SYT17: variants seen among roughly 807,000 people sequenced by gnomAD.
SYT17 encodes the protein synaptotagmin-17.
A neutral mutation model predicts 46.7 loss-of-function variants in SYT17; 22 were observed. The ratio of observed to expected loss-of-function variants is 0.47; its 90% CI spans 0.34 to 0.67. The LOEUF (loss-of-function observed/expected upper bound fraction) is 0.67, where lower values mean the gene tolerates loss of function less well. Among genes scored for constraint, SYT17 ranks in the 30% least tolerant of loss-of-function variants. The pLI is 0.01. For synonymous variants in SYT17, 251 were observed against 248.4 expected (o/e 1.01, Z -0.10); for missense variants, 519 against 612.8 (o/e 0.85, Z 1.62).
chr16:19,263,131 G>C (rs142387630), intron 7 of SYT17, among the ~76,000 whole-genome samples: 2 of 150,902 alleles, frequency 1.3e-5, no homozygotes, highest in Non-Finnish European at 2.9e-5. Context: ...ATACGATTCA[G>C]TGCTTTTTAG....
At chr16:19,263,970 A>T (rs1053722763) in intron 7 of SYT17, among the ~76,000 whole-genome samples, 2 of 152,214 alleles carry the variant, frequency 1.3e-5, no homozygotes, top group Non-Finnish European at 2.9e-5. Flanking sequence ...TGATGGCATT[A>T]GGAGGCGGGA....
At chr16:19,244,682 A>G (rs1967402140) in intron 7 of SYT17, among the ~76,000 whole-genome samples, 1 of 152,066 alleles carries the variant, frequency 6.6e-6, no homozygotes, top group African/African-American at 2.4e-5. Context: ...GGATCCTGTC[A>G]TGAGTGACCT....
chr16:19,238,737 G>A (rs545657083), intron 7 of SYT17, among the ~76,000 whole-genome samples: 8 of 152,256 alleles, frequency 5.3e-5, no homozygotes, highest in Non-Finnish European at 1.0e-4. Flanking sequence ...TGTGCCTGCA[G>A]GGCCTAAGCT....
At chr16:19,244,810 C>T (rs916974389) in intron 7 of SYT17, among the ~76,000 whole-genome samples, 1 of 152,224 alleles carries the variant, frequency 6.6e-6, no homozygotes, top group Non-Finnish European at 1.5e-5. Flanking sequence ...CTGAGGACTG[C>T]ATGGGAACTG....
At chr16:19,170,362 T>C (rs1481721174) in intron 1 of SYT17, 1 of 152,188 alleles carries the variant, frequency 6.6e-6, no homozygotes, top group Non-Finnish European at 1.5e-5. Flanking sequence ...TCAAGGGCTG[T>C]AGCAAAACAG....
intron 7 of SYT17, among the ~76,000 whole-genome samples, chr16:19,243,014 A>G (rs535461688): frequency 1.3e-5 from 2 of 152,248 alleles, no homozygotes; most frequent in African/African-American, 4.8e-5. Flanking sequence ...CCTATTTGTG[A>G]GTCGACATGA....
chr16:19,227,497 T>G (rs1320589342), intron 7 of SYT17, among the ~76,000 whole-genome samples: 2 of 152,000 alleles, frequency 1.3e-5, no homozygotes, highest in African/African-American at 4.8e-5. Flanking sequence ...TTGTATTTTT[T>G]GTAGAGACGG....
intron 7 of SYT17, among the ~76,000 whole-genome samples, chr16:19,265,571 A>G (rs1444401162): frequency 6.6e-6 from 1 of 152,220 alleles, no homozygotes; most frequent in Non-Finnish European, 1.5e-5. Flanking sequence ...TGTTTTTGGC[A>G]GCATATTTTA....
At chr16:19,222,455 T>C (rs1596976449) in intron 5 of SYT17, among the ~76,000 whole-genome samples, 1 of 152,220 alleles carries the variant, frequency 6.6e-6, no homozygotes, top group African/African-American at 2.4e-5. Context: ...GATGTCACTG[T>C]GCCGAGTGTT....
At chr16:19,202,205 C>A (rs1049633899) in intron 5 of SYT17, among the ~76,000 whole-genome samples, 2 of 152,116 alleles carry the variant, frequency 1.3e-5, no homozygotes, top group African/African-American at 2.4e-5. Flanking sequence ...CAGTCAAAAG[C>A]CCCAGGGTGC....
Position 19,168,583 on chromosome 16 carries a change from T to C in SYT17, c.-64T>C. On this transcript the variant is annotated 5_prime_UTR_variant, in exon 1 of 8. Coordinates refer to ENST00000355377, the MANE Select transcript of SYT17 (RefSeq NM_016524.4). This position sits in a 1 kb window ranked among gnomAD's most constrained non-coding sequence, Gnocchi z 6.9. The stretch of plus-strand genomic sequence containing the variant: ...CTTTGCTTTCTTCCCCCTCCGCTGT[T>C]GGCGAGGGCAAAGTGGCCGTGGCGG... 6.5e-7 allele frequency: 1 copy of C among 1,542,330 alleles called. No homozygotes were observed. The highest frequency in any genetic ancestry group is 8.8e-7 in the Non-Finnish European group (1 of 1,142,466).
intron 5 of SYT17, among the ~76,000 whole-genome samples, chr16:19,210,423 T>G (rs1224594987): frequency 6.6e-6 from 1 of 152,052 alleles, no homozygotes; most frequent in East Asian, 1.9e-4. Context: ...TTTAACCCAC[T>G]TCTCTTTATC....
chr16:19,261,675 A>G (rs1169948955), intron 7 of SYT17, among the ~76,000 whole-genome samples: 2 of 152,232 alleles, frequency 1.3e-5, no homozygotes, highest in Non-Finnish European at 2.9e-5. Flanking sequence ...GCCACTCTGA[A>G]CAGTGGTGAA....
intron 5 of SYT17, among the ~76,000 whole-genome samples, chr16:19,191,802 T>G (rs944772644): frequency 3.3e-5 from 5 of 152,202 alleles, no homozygotes; most frequent in Non-Finnish European, 7.3e-5. Flanking sequence ...TTTTTTGTTT[T>G]TGAGACTGTG....
chr16:19,188,723 A>T (rs921282656), intron 5 of SYT17, among the ~76,000 whole-genome samples: 1 of 152,290 alleles, frequency 6.6e-6, no homozygotes, highest in East Asian at 1.9e-4. Flanking sequence ...TCAAGGCATT[A>T]GCAGAGTCGT....
intron 7 of SYT17, among the ~76,000 whole-genome samples, chr16:19,264,908 T>C (rs953379294): frequency 2.0e-5 from 3 of 152,184 alleles, no homozygotes; most frequent in African/African-American, 7.2e-5. Flanking sequence ...TTTCCTTTCT[T>C]AAAGCCCTTT....
Position 19,249,854 on chromosome 16 carries a change from T to C in SYT17, c.1229-17026T>C, listed in dbSNP as rs541677171. ...AGTCATTGGGATAACCTGGAGTCAC[T>C]GGGGGCTCCATACTTTCATCCAGGT... is the stretch of plus-strand genomic sequence containing the variant. On this transcript the variant is annotated intron_variant, in intron 7 of 7. Transcript: ENST00000355377. 7.6e-4 allele frequency: 1,059 copies of C among 1,389,518 alleles called. 4 individuals carry two copies. Among genetic ancestry groups the C allele is most frequent in the Non-Finnish European group, 1.0e-3 (1,035 of 1,039,568 alleles). The allele number at this position is 1,389,518 out of a possible 1,614,324, so 86.1% of individuals were successfully genotyped here.
At chr16:19,213,183 G>T (rs561334347) in intron 5 of SYT17, among the ~76,000 whole-genome samples, 1 of 152,296 alleles carries the variant, frequency 6.6e-6, no homozygotes, top group South Asian at 2.1e-4. Context: ...TCTGTAGGAA[G>T]GTGTTTCTCA....
At position 19,180,308 on chromosome 16, in the gene SYT17, C is replaced by T. The variant is rs1359952531; in HGVS notation, c.183-83C>T. ...AAAATGAGTCTGAGAGCGGTTTCATCGTGGGTCTTAACCCCCAAGGGACAG... is the reference window on the plus strand; with the variant it reads ...AAAATGAGTCTGAGAGCGGTTTCATTGTGGGTCTTAACCCCCAAGGGACAG... On this transcript the variant is annotated intron_variant, in intron 3 of 7. Coordinates refer to ENST00000355377, the MANE Select transcript of SYT17 (RefSeq NM_016524.4). The T allele has an allele frequency of 5.3e-6, 8 of 1,498,904 alleles. No homozygotes were observed. In the Admixed American group the frequency reaches 5.4e-5, roughly 10 times the overall value. 92.9% of individuals were successfully genotyped at this position (1,498,904 alleles called of 1,614,324 possible).
Sources: gnomAD v4.1 joint callset for allele counts (sites outside exome capture counted in the v4.1 genomes callset) on GRCh38, gnomAD v4.1.1 for gene constraint, Gnocchi (gnomAD v3.1) non-coding constraint, MANE v1.5 for transcripts, NCBI Gene and HGNC (gene_info 2026-07-23, HGNC 2026-07-21) for gene names.